BABAM2: variants seen among roughly 807,000 people sequenced by gnomAD.
BABAM2 encodes BRISC and BRCA1 A complex member 2.
Under a neutral mutation model 54.7 loss-of-function variants are expected in BABAM2, and 31 were observed. The observed-to-expected ratio is 0.57, with a 90% confidence interval of 0.43 to 0.77. BABAM2 has a LOEUF of 0.77. Ranked by LOEUF, BABAM2 falls within the 30% of genes least tolerant of loss-of-function variation. BABAM2 has a pLI of 0.00. For missense variants in BABAM2, 364 were observed against 455.8 expected (o/e 0.80, Z 1.83); for synonymous variants, 167 against 162.9 (o/e 1.03, Z -0.19).
chr2:28,070,393 G>A (rs1261291228), intron 6 of BABAM2, among the ~76,000 whole-genome samples: 1 of 152,032 alleles, frequency 6.6e-6, no homozygotes, highest in Non-Finnish European at 1.5e-5. Context: ...AAGCTACTTT[G>A]TCATGTCTCA....
At chr2:27,915,339 T>TG (rs1228988935) in intron 2 of BABAM2, among the ~76,000 whole-genome samples, 10 of 152,210 alleles carry the variant, frequency 6.6e-5, no homozygotes, top group Non-Finnish European at 1.5e-4. Context: ...AAGTGCTCTC[T>TG]GTGTGCCAGG....
chr2:28,179,854 A>T (rs1675427650), intron 7 of BABAM2, among the ~76,000 whole-genome samples: 1 of 152,170 alleles, frequency 6.6e-6, no homozygotes, highest in Admixed American at 6.5e-5. Context: ...GGAAAAGAAT[A>T]AGACAATCTC....
intron 7 of BABAM2, among the ~76,000 whole-genome samples, chr2:28,195,739 A>C (rs1011982408): frequency 7.2e-5 from 11 of 152,240 alleles, no homozygotes; most frequent in Non-Finnish European, 1.5e-4. Context: ...AGTGTATTTG[A>C]CACAGGCCAT....
chr2:28,338,611 G>A lies in BABAM2; in HGVS notation c.*98G>A, dbSNP rs148041909. On this transcript the variant is annotated 3_prime_UTR_variant, in exon 12 of 12. Transcript: ENST00000379624. The stretch of plus-strand genomic sequence containing the variant: ...TGGAAGCCGCCTGGAATGTCTTCAC[G>A]GCAGCGTTTTGCTCACACAGCAGCT... The A allele has an allele frequency of 3.1e-4, 446 of 1,444,464 alleles. 2 individuals carry two copies. In the African/African-American group the frequency reaches 5.3e-3, roughly 17 times the overall value. 89.5% of individuals were successfully genotyped at this position (1,444,464 alleles called of 1,614,324 possible).
In BABAM2 at chr2:27,931,031, G is replaced by C. The variant is rs149636201; in HGVS notation, c.205+1123G>C. On this transcript the variant is annotated intron_variant, in intron 3 of 11. Transcript: ENST00000379624. ...CCAGGAGGGGCCATGTCTCTGTATA[G>C]TATTTTGTATTCTTAGTACTATATT... Among the ~76,000 whole-genome samples, 633 of 152,284 alleles carry C rather than the reference G, an allele frequency of 4.2e-3. 4 individuals are homozygous for C. Among genetic ancestry groups the C allele is most frequent in the African/African-American group, 0.014 (578 of 41,572 alleles).
At chr2:27,937,029 G>T (rs1668537068) in intron 3 of BABAM2, among the ~76,000 whole-genome samples, 1 of 151,926 alleles carries the variant, frequency 6.6e-6, no homozygotes, top group Non-Finnish European at 1.5e-5. Context: ...ACACTTAATA[G>T]ACTATAGTAT....
intron 3 of BABAM2, among the ~76,000 whole-genome samples, chr2:27,974,908 A>G (rs965650134): frequency 3.3e-5 from 5 of 152,114 alleles, no homozygotes; most frequent in African/African-American, 9.6e-5. Flanking sequence ...TAAGATCAGC[A>G]TAGGAAAATC....
intron 4 of BABAM2, among the ~76,000 whole-genome samples, chr2:28,010,373 G>C (rs1485106744): frequency 6.6e-6 from 1 of 151,682 alleles, no homozygotes; most frequent in East Asian, 1.9e-4. Context: ...TCATCATTGG[G>C]TTAGTAAAAA....
chr2:27,915,834 A>G (rs1420481907), intron 2 of BABAM2, among the ~76,000 whole-genome samples: 1 of 152,082 alleles, frequency 6.6e-6, no homozygotes, highest in African/African-American at 2.4e-5. Context: ...GTTTCCTACT[A>G]CAATTCTCTC....
intron 3 of BABAM2, among the ~76,000 whole-genome samples, chr2:27,952,981 C>T (rs766810999): frequency 5.9e-5 from 9 of 152,080 alleles, no homozygotes; most frequent in African/African-American, 9.7e-5. Flanking sequence ...TATATTGGCA[C>T]GTGAAAAAGA....
chr2:28,255,622 A>G (rs1033980266), intron 10 of BABAM2, among the ~76,000 whole-genome samples: 22 of 152,114 alleles, frequency 1.4e-4, no homozygotes, highest in Non-Finnish European at 1.0e-4. Flanking sequence ...TAGCACTAGA[A>G]TGAACAGTTA....
chr2:28,227,387 T>C (rs1680986712), intron 7 of BABAM2, among the ~76,000 whole-genome samples: 1 of 152,148 alleles, frequency 6.6e-6, no homozygotes, highest in African/African-American at 2.4e-5. Flanking sequence ...TGGTCTGCTG[T>C]CCACATTGAG....
chr2:28,192,718 T>C (rs745756344), intron 7 of BABAM2, among the ~76,000 whole-genome samples: 6 of 151,380 alleles, frequency 4.0e-5, no homozygotes, highest in Non-Finnish European at 8.8e-5. Flanking sequence ...GAGATGGGGT[T>C]TCACCATGTT....
At chr2:28,012,980 T>G (rs1674508134) in intron 4 of BABAM2, among the ~76,000 whole-genome samples, 1 of 152,176 alleles carries the variant, frequency 6.6e-6, no homozygotes, top group African/African-American at 2.4e-5. Flanking sequence ...GGAATTAAGC[T>G]GGGTGATCCT....
intron 3 of BABAM2, among the ~76,000 whole-genome samples, chr2:27,954,169 G>T (rs1669931255): frequency 1.3e-5 from 2 of 152,164 alleles, no homozygotes; most frequent in African/African-American, 4.8e-5. Flanking sequence ...TTGTACTTAT[G>T]CCTAAACCTC....
At chr2:28,218,597 A>C (rs1680121375) in intron 7 of BABAM2, among the ~76,000 whole-genome samples, 1 of 151,868 alleles carries the variant, frequency 6.6e-6, no homozygotes, top group African/African-American at 2.4e-5. Context: ...ACATGATGTC[A>C]GTTTGTCCCG....
intron 3 of BABAM2, among the ~76,000 whole-genome samples, chr2:27,949,871 T>C (rs1669576639): frequency 6.6e-6 from 1 of 152,218 alleles, no homozygotes; most frequent in Non-Finnish European, 1.5e-5. Flanking sequence ...TTGTTTGTTT[T>C]CATTGTGCTG....
At chr2:28,317,772 T>C (rs996522837) in intron 11 of BABAM2, among the ~76,000 whole-genome samples, 2 of 152,224 alleles carry the variant, frequency 1.3e-5, no homozygotes, top group African/African-American at 4.8e-5. Context: ...CTTCTCATAT[T>C]GTTCACAGAC....
chr2:28,014,915 C>T (rs1422772608), intron 4 of BABAM2, among the ~76,000 whole-genome samples: 2 of 152,054 alleles, frequency 1.3e-5, no homozygotes, highest in African/African-American at 4.8e-5. Context: ...CAGAAAGTAC[C>T]AGTGTCTATT....
Sources: allele counts gnomAD v4.1 joint callset (sites outside exome capture counted in the v4.1 genomes callset), GRCh38; gene constraint gnomAD v4.1.1; transcripts MANE v1.5; gene names NCBI Gene and HGNC (gene_info 2026-07-23, HGNC 2026-07-21).